DCX: variants seen among roughly 807,000 people sequenced by gnomAD.
DCX encodes the protein doublecortin.
In DCX, 4 loss-of-function variants were observed where a neutral mutation model predicts 20.9. The observed-to-expected ratio is 0.19, with a 90% confidence interval of 0.09 to 0.44. DCX has a LOEUF of 0.44. DCX is among the 20% of genes least tolerant of loss of function. The pLI is 0.99. For synonymous variants in DCX, 103 were observed against 111.4 expected, an observed-to-expected ratio of 0.92 and a Z score of 0.47; for missense variants, 133 against 296.9, an observed-to-expected ratio of 0.45 and a Z score of 4.06.
At chrX:111,334,515 C>T (rs1921545835) in intron 3 of DCX, among the ~76,000 whole-genome samples, 1 of 112,155 alleles carries the variant, frequency 8.9e-6, no homozygotes, top group Non-Finnish European at 1.9e-5. Context: ...TAAGTACTTC[C>T]AAATCTGTCA....
intron 5 of DCX, among the ~76,000 whole-genome samples, chrX:111,324,299 C>A (rs2095094256): frequency 9.0e-6 from 1 of 111,490 alleles, no homozygotes; most frequent in Non-Finnish European, 1.9e-5. Flanking sequence ...ACATATAGCC[C>A]TTCTTCAAGT....
chrX:111,363,739 G>A (rs1924394402), intron 3 of DCX, among the ~76,000 whole-genome samples: 1 of 111,190 alleles, frequency 9.0e-6, no homozygotes, highest in African/African-American at 3.3e-5. Flanking sequence ...TCTTTTTTCA[G>A]TTTATGCCCA....
At chrX:111,350,123 A>G (rs1461923715) in intron 3 of DCX, among the ~76,000 whole-genome samples, 3 of 111,309 alleles carry the variant, frequency 2.7e-5, no homozygotes, top group Non-Finnish European at 5.7e-5. Context: ...GCCTAATCTC[A>G]CATTTCTCCT....
At chrX:111,312,514 A>G in intron 6 of DCX, 125 bp downstream of exon 6, 2 of 621,948 alleles carry the variant, frequency 3.2e-6, no homozygotes, top group South Asian at 5.3e-5. Flanking sequence ...CTTCAAGCTA[A>G]TGAAGCCAGA....
At chrX:111,405,710 TA>T (rs777518079) in intron 2 of DCX, among the ~76,000 whole-genome samples, 4 of 109,834 alleles carry the variant, frequency 3.6e-5, no homozygotes, top group East Asian at 2.9e-4. Flanking sequence ...AAAAAAATAA[TA>T]AAAAAAACAA....
intron 3 of DCX, among the ~76,000 whole-genome samples, chrX:111,362,102 C>T (rs1481362256): frequency 9.1e-6 from 1 of 110,426 alleles, no homozygotes; most frequent in Non-Finnish European, 1.9e-5. Context: ...TTCAAGAATT[C>T]AGGACAACAG....
intron 3 of DCX, among the ~76,000 whole-genome samples, chrX:111,342,339 T>TTATATATATATATGTA (rs1922328727): frequency 4.8e-5 from 1 of 20,730 alleles, no homozygotes; most frequent in East Asian, 3.5e-3. Context: ...GAGCTAACTA[T>TTATATATATATATGTA]TATATATATA....
rs2095017161 is a variant in DCX at position 111,295,061 on chromosome X, A to G, written c.*6626T>C. 1 of 112,982 alleles carries G rather than the reference A, an allele frequency of 8.9e-6. No individual in the cohort carries two copies. The highest frequency in any genetic ancestry group is 1.9e-5 in the Non-Finnish European group (1 of 53,316). 9.3% of individuals were successfully genotyped at this position (112,982 alleles called of 1,213,427 possible). On this transcript the variant is annotated 3_prime_UTR_variant, in exon 7 of 7. Transcript: ENST00000636035. ...ATAAAACATGCATTAGTTGTATACAAGTCATAAGGGATCATTGGCTTCAAG... is the reference window on the plus strand; with the variant it reads ...ATAAAACATGCATTAGTTGTATACAGGTCATAAGGGATCATTGGCTTCAAG...
At chrX:111,305,458 C>T (rs2095043080) in intron 6 of DCX, among the ~76,000 whole-genome samples, 1 of 111,082 alleles carries the variant, frequency 9.0e-6, no homozygotes, top group Admixed American at 9.6e-5. Flanking sequence ...CTCCCTAATA[C>T]AATTTTATTA....
intron 3 of DCX, among the ~76,000 whole-genome samples, chrX:111,394,893 C>G (rs1263892539): frequency 8.9e-6 from 1 of 112,180 alleles, no homozygotes; most frequent in African/African-American, 3.2e-5. Flanking sequence ...ATACCATCCA[C>G]AGTGTAAAGA....
At chrX:111,381,073 C>T (rs997748047) in intron 3 of DCX, among the ~76,000 whole-genome samples, 6 of 110,363 alleles carry the variant, frequency 5.4e-5, no homozygotes, top group African/African-American at 2.0e-4. Flanking sequence ...TTACCATCAA[C>T]ATTTTGTTTC....
intron 3 of DCX, among the ~76,000 whole-genome samples, chrX:111,363,000 C>A (rs189307468): frequency 1.9e-3 from 214 of 111,721 alleles, no homozygotes; most frequent in African/African-American, 6.5e-3. Flanking sequence ...TGATATTGAC[C>A]AAATAGTCAC....
intron 3 of DCX, among the ~76,000 whole-genome samples, chrX:111,371,306 A>AT (rs1260828992): frequency 2.7e-5 from 3 of 111,608 alleles, no homozygotes; most frequent in Non-Finnish European, 5.7e-5. Context: ...TTCTCTTCTG[A>AT]TTTTTTTCTA....
chrX:111,311,985 A>G (rs2095058714), intron 6 of DCX, among the ~76,000 whole-genome samples: 2 of 112,447 alleles, frequency 1.8e-5, no homozygotes, highest in South Asian at 7.4e-4. Flanking sequence ...CATTTTCTAC[A>G]CAGAGATTTC....
At chrX:111,323,503 A>T (rs1186553586) in intron 5 of DCX, among the ~76,000 whole-genome samples, 1 of 110,139 alleles carries the variant, frequency 9.1e-6, no homozygotes, top group East Asian at 2.9e-4. Context: ...AGCCCACAAG[A>T]GATGAGATAT....
At chrX:111,322,046 T>C (rs1210136808) in intron 5 of DCX, among the ~76,000 whole-genome samples, 1 of 112,225 alleles carries the variant, frequency 8.9e-6, no homozygotes, top group Non-Finnish European at 1.9e-5. Flanking sequence ...GAAATATTGC[T>C]CATTGAAAAC....
At chrX:111,310,547 G>A (rs1362273583) in intron 6 of DCX, among the ~76,000 whole-genome samples, 1 of 111,207 alleles carries the variant, frequency 9.0e-6, no homozygotes, top group African/African-American at 3.3e-5. Flanking sequence ...CTGTAAGTTT[G>A]AAGTGATATA....
chrX:111,400,626 C>A (rs945096822), intron 3 of DCX, among the ~76,000 whole-genome samples: 2 of 112,064 alleles, frequency 1.8e-5, no homozygotes. Flanking sequence ...AATGAATGGG[C>A]AAATATCATT....
chrX:111,320,450 C>T (rs1345595651), intron 5 of DCX, among the ~76,000 whole-genome samples: 1 of 111,880 alleles, frequency 8.9e-6, no homozygotes, highest in Non-Finnish European at 1.9e-5. Flanking sequence ...AATGGCACCA[C>T]TGTTTGATAT....
Sources: gnomAD v4.1 joint callset for allele counts (sites outside exome capture counted in the v4.1 genomes callset) on GRCh38, gnomAD v4.1.1 for gene constraint, MANE v1.5 for transcripts, NCBI Gene and HGNC (gene_info 2026-07-23, HGNC 2026-07-21) for gene names.